CFAP299: variants seen among roughly 807,000 people sequenced by gnomAD.
The protein encoded by CFAP299 is cilia- and flagella-associated protein 299.
A neutral mutation model predicts 27.0 loss-of-function variants in CFAP299; 21 were observed. The observed-to-expected ratio is 0.78, with a 90% CI of 0.55 to 1.12. The LOEUF is 1.12. Ranked by LOEUF, CFAP299 falls within the 50% of genes most tolerant of loss-of-function variation. CFAP299 has a pLI of 0.00. For missense variants in CFAP299, 310 were observed against 276.6 expected (o/e 1.12, Z -0.86); for synonymous variants, 104 against 98.1 (o/e 1.06, Z -0.36).
intron 2 of CFAP299, among the ~76,000 whole-genome samples, chr4:80,429,907 G>A (rs1193493555): frequency 6.6e-6 from 1 of 152,088 alleles, no homozygotes; most frequent in Non-Finnish European, 1.5e-5. Context: ...TAATCTGGAT[G>A]CTAAAGAGGG....
At chr4:80,880,743 A>G (rs141362628) in intron 4 of CFAP299, among the ~76,000 whole-genome samples, 1 of 151,146 alleles carries the variant, frequency 6.6e-6, no homozygotes, top group Non-Finnish European at 1.5e-5. Flanking sequence ...AAAATAAAAT[A>G]AAATAAAATA....
intron 3 of CFAP299, among the ~76,000 whole-genome samples, chr4:80,657,255 G>A (rs1295919518): frequency 6.6e-6 from 1 of 151,960 alleles, no homozygotes; most frequent in Non-Finnish European, 1.5e-5. Context: ...GTCAGTTTTG[G>A]CTTTTGTTGC....
rs540686565 is a variant in CFAP299, at chr4:80,929,334, C to T, written c.477-15476C>T. Among the ~76,000 whole-genome samples the T allele has an allele frequency of 4.8e-5, 7 of 145,532 alleles. No individual in the cohort carries two copies. The South Asian group carries it at 6.3e-4, about 13-fold the overall frequency. On this transcript the variant is annotated intron_variant, in intron 4 of 5. Transcript: ENST00000358105. ...ACCATTATCCCTCTGGTCTCTACTA[C>T]CCATCCAGTCTCTATGACACCACTA...
chr4:80,645,839 C>G (rs554126516), intron 3 of CFAP299, among the ~76,000 whole-genome samples: 1 of 152,076 alleles, frequency 6.6e-6, no homozygotes, highest in African/African-American at 2.4e-5. Context: ...AGGTCAAGGG[C>G]TTATTGCACC....
chr4:80,611,023 T>C (rs762008485), intron 3 of CFAP299, among the ~76,000 whole-genome samples: 1 of 152,044 alleles, frequency 6.6e-6, no homozygotes, highest in Non-Finnish European at 1.5e-5. Context: ...GGCCAAATGG[T>C]AAACCGCAGG....
At chr4:80,472,791 T>C (rs1730071299) in intron 2 of CFAP299, among the ~76,000 whole-genome samples, 1 of 152,202 alleles carries the variant, frequency 6.6e-6, no homozygotes, top group African/African-American at 2.4e-5. Context: ...ATTGCCTGTA[T>C]GGCCCATGTT....
intron 4 of CFAP299, among the ~76,000 whole-genome samples, chr4:80,925,364 C>T (rs1736255560): frequency 6.8e-6 from 1 of 146,758 alleles, no homozygotes; most frequent in Non-Finnish European, 1.6e-5. Context: ...TTAAATGCAA[C>T]ATGATTTACG....
intron 2 of CFAP299, among the ~76,000 whole-genome samples, chr4:80,446,628 C>G (rs998749200): frequency 6.6e-6 from 1 of 152,152 alleles, no homozygotes; most frequent in African/African-American, 2.4e-5. Context: ...AGAAATACAG[C>G]TGTCTTCTAT....
At position 80,713,860 on chromosome 4, in the gene CFAP299, C is replaced by T. The variant is rs548475152; in HGVS notation, c.333+130677C>T. Among the ~76,000 whole-genome samples, 3 of 152,222 alleles carry T rather than the reference C, an allele frequency of 2.0e-5. No individual in the cohort carries two copies. The East Asian group carries it at 5.8e-4, about 29-fold the overall frequency. ...CCTTCTAAAAGAATCGAAGTAAATG[C>T]ACTTTGTGGCTGCTTTTGCATTTGG... On this transcript the variant is annotated intron_variant, in intron 3 of 5. Transcript: ENST00000358105.
At chr4:80,387,464 C>G (rs890801405) in intron 2 of CFAP299, 2 of 824,080 alleles carry the variant, frequency 2.4e-6, no homozygotes, top group African/African-American at 1.7e-5. Flanking sequence ...CTTGGGTTTC[C>G]GGCTTGCCCC....
intron 3 of CFAP299, among the ~76,000 whole-genome samples, chr4:80,741,677 C>G (rs1031702956): frequency 8.5e-5 from 13 of 152,104 alleles, no homozygotes; most frequent in Admixed American, 8.5e-4. Flanking sequence ...GCAAGTATTC[C>G]CTTAGCCATG....
At chr4:80,643,450 G>A (rs964572421) in intron 3 of CFAP299, among the ~76,000 whole-genome samples, 8 of 152,272 alleles carry the variant, frequency 5.3e-5, no homozygotes, top group Middle Eastern at 3.4e-3. Context: ...GGATCAAGAG[G>A]AAATGGGATT....
At chr4:80,710,396 A>C (rs1466422664) in intron 3 of CFAP299, among the ~76,000 whole-genome samples, 2 of 151,794 alleles carry the variant, frequency 1.3e-5, no homozygotes, top group Admixed American at 6.6e-5. Flanking sequence ...ACTAAGAGGG[A>C]GATTTGGTTT....
At chr4:80,387,845 C>T (rs1725100558) in intron 2 of CFAP299, 3 of 1,392,210 alleles carry the variant, frequency 2.2e-6, no homozygotes, top group Non-Finnish European at 2.0e-6. Context: ...CCCCTGGTAC[C>T]TTTAGCCCGT....
At chr4:80,537,609 C>T (rs1733805554) in intron 2 of CFAP299, among the ~76,000 whole-genome samples, 1 of 152,080 alleles carries the variant, frequency 6.6e-6, no homozygotes. Flanking sequence ...TCTGTGATCT[C>T]AGTCATATGT....
chr4:80,481,528 T>G (rs1039054), intron 2 of CFAP299, among the ~76,000 whole-genome samples: 31,042 of 151,904 alleles, frequency 0.2, 3,322 homozygotes, highest in South Asian at 0.29. Flanking sequence ...ATTTTGATAA[T>G]GTGGAATTTT....
intron 4 of CFAP299, among the ~76,000 whole-genome samples, chr4:80,934,985 T>C (rs1041115006): frequency 6.6e-6 from 1 of 152,088 alleles, no homozygotes; most frequent in Non-Finnish European, 1.5e-5. Context: ...TTGAGATTTT[T>C]TTCTGAATAT....
At chr4:80,410,372 A>G (rs1726661823) in intron 2 of CFAP299, among the ~76,000 whole-genome samples, 1 of 152,186 alleles carries the variant, frequency 6.6e-6, no homozygotes, top group Admixed American at 6.5e-5. Context: ...GAAATACCCT[A>G]TATCTCCTTC....
chr4:80,401,981 C>T (rs890726854), intron 2 of CFAP299, among the ~76,000 whole-genome samples: 1 of 152,098 alleles, frequency 6.6e-6, no homozygotes, highest in Non-Finnish European at 1.5e-5. Flanking sequence ...TTTGACTGCC[C>T]CACTGGATTT....
Sources: allele counts gnomAD v4.1 joint callset (sites outside exome capture counted in the v4.1 genomes callset), GRCh38; gene constraint gnomAD v4.1.1; transcripts MANE v1.5; gene names NCBI Gene and HGNC (gene_info 2026-07-23, HGNC 2026-07-21).